Variants in RBFOX1 observed in about 807,000 individuals in gnomAD.
The protein encoded by RBFOX1 is RNA binding fox-1 homolog 1, also known as RNA binding protein fox-1 homolog 1.
RBFOX1 carries 8 observed loss-of-function variants against 57.7 expected under a neutral mutation model. The ratio of observed to expected loss-of-function variants is 0.14; its 90% CI spans 0.08 to 0.25. The LOEUF (loss-of-function observed/expected upper bound fraction) is 0.25. RBFOX1 is among the 10% of genes least tolerant of loss of function. The probability of loss-of-function intolerance (pLI) is 1.00; values close to 1 mark genes in which losing one functional copy is unlikely to be tolerated. For missense variants in RBFOX1, 611 were observed against 548.5 expected, an observed-to-expected ratio of 1.11 and a Z score of -1.14; for synonymous variants, 326 against 222.4, an observed-to-expected ratio of 1.47 and a Z score of -4.15.
chr16:5,862,788 G>A (rs2057254613), intron 3 of RBFOX1, among the ~76,000 whole-genome samples: 1 of 152,068 alleles, frequency 6.6e-6, no homozygotes, highest in Admixed American at 6.6e-5. Context: ...GACCTAACAC[G>A]ACCCTATAAA....
At chr16:5,944,409 G>A (rs910448352) in intron 4 of RBFOX1, among the ~76,000 whole-genome samples, 1 of 152,142 alleles carries the variant, frequency 6.6e-6, no homozygotes, top group African/African-American at 2.4e-5. Context: ...ACGTGAGACT[G>A]CTCTTATCAT....
At chr16:6,231,055 A>C (rs558503967) in intron 1 of RBFOX1, among the ~76,000 whole-genome samples, 1 of 152,296 alleles carries the variant, frequency 6.6e-6, no homozygotes, top group South Asian at 2.1e-4. Flanking sequence ...GACTATCCAG[A>C]TAGAAACTAA....
At chr16:5,895,216 C>T (rs1228751179) in intron 4 of RBFOX1, among the ~76,000 whole-genome samples, 1 of 152,146 alleles carries the variant, frequency 6.6e-6, no homozygotes, top group Non-Finnish European at 1.5e-5. Flanking sequence ...AGTGTTAAGT[C>T]TTAACTTAGT....
chr16:5,726,804 C>A (rs59265091), intron 3 of RBFOX1, among the ~76,000 whole-genome samples: 3,640 of 152,182 alleles, frequency 0.024, 152 homozygotes, highest in African/African-American at 0.083. Context: ...TGTGCTTTGC[C>A]CCTTTACACA....
chr16:7,405,515 C>T (rs2098325834), intron 4 of RBFOX1, among the ~76,000 whole-genome samples: 1 of 152,204 alleles, frequency 6.6e-6, no homozygotes, highest in Admixed American at 6.5e-5. Context: ...GTTATGCTGA[C>T]CGGAGCAACC....
chr16:7,004,391 G>A (rs2093116501), intron 3 of RBFOX1, among the ~76,000 whole-genome samples: 2 of 152,116 alleles, frequency 1.3e-5, no homozygotes, highest in African/African-American at 4.8e-5. Context: ...TTGTCCACCG[G>A]TTTTATTTAG....
intron 3 of RBFOX1, among the ~76,000 whole-genome samples, chr16:6,657,495 T>C (rs2098667560): frequency 6.6e-6 from 1 of 152,074 alleles, no homozygotes; most frequent in Non-Finnish European, 1.5e-5. Flanking sequence ...CAGGGAGCCA[T>C]TGGCTGTGGC....
rs148303603 is a variant in RBFOX1 at position 5,287,735 on chromosome 16, A to G, written c.219+47630A>G. Among the ~76,000 whole-genome samples the G allele has an allele frequency of 8.1e-4, 123 of 152,310 alleles. 2 individuals carry two copies. In the East Asian group the frequency reaches 0.022, roughly 27 times the overall value. On this transcript the variant is annotated intron_variant, in intron 1 of 2. Transcript: ENST00000585867. Reference sequence around the variant, plus strand: ...GGAGTGAGCGAGCACAAATGAATGCACAGTTTCCAAGTTTTTGGTCATGCA... The same window carrying G: ...GGAGTGAGCGAGCACAAATGAATGCGCAGTTTCCAAGTTTTTGGTCATGCA...
intron 3 of RBFOX1, among the ~76,000 whole-genome samples, chr16:5,624,509 T>C (rs1173660238): frequency 6.6e-6 from 1 of 152,194 alleles, no homozygotes; most frequent in Non-Finnish European, 1.5e-5. Context: ...CCAGAGACTT[T>C]TAAAGCTCGT....
intron 3 of RBFOX1, among the ~76,000 whole-genome samples, chr16:5,828,107 A>G (rs896969408): frequency 6.6e-6 from 1 of 151,724 alleles, no homozygotes; most frequent in Non-Finnish European, 1.5e-5. Context: ...CTGTCTAACC[A>G]TTAATCCACT....
intron 3 of RBFOX1, among the ~76,000 whole-genome samples, chr16:5,751,338 G>C (rs1242197167): frequency 6.8e-6 from 1 of 147,290 alleles, no homozygotes; most frequent in Non-Finnish European, 1.5e-5. Context: ...CTACATTTGT[G>C]CATCCCTTAT....
intron 4 of RBFOX1, among the ~76,000 whole-genome samples, chr16:7,248,913 C>G (rs1219867362): frequency 6.6e-6 from 1 of 152,172 alleles, no homozygotes; most frequent in Non-Finnish European, 1.5e-5. Flanking sequence ...TAGCCAACAG[C>G]CATCGCCCAA....
chr16:7,205,209 C>G (rs982010655), intron 4 of RBFOX1, among the ~76,000 whole-genome samples: 17 of 151,902 alleles, frequency 1.1e-4, no homozygotes, highest in African/African-American at 3.9e-4. Context: ...TTGGAAAACT[C>G]CAGTTGAGTG....
At chr16:7,234,355 T>A (rs1414843266) in intron 4 of RBFOX1, among the ~76,000 whole-genome samples, 1 of 152,126 alleles carries the variant, frequency 6.6e-6, no homozygotes, top group Non-Finnish European at 1.5e-5. Flanking sequence ...AGGAATCTAT[T>A]TGGTTTTGGT....
intron 3 of RBFOX1, among the ~76,000 whole-genome samples, chr16:5,616,373 C>T (rs933936727): frequency 1.3e-5 from 2 of 152,206 alleles, no homozygotes; most frequent in East Asian, 1.9e-4. Flanking sequence ...AGCTTGTCTG[C>T]GGTGCTGGCC....
chr16:7,373,333 G>T (rs1220495009), intron 4 of RBFOX1, among the ~76,000 whole-genome samples: 1 of 152,140 alleles, frequency 6.6e-6, no homozygotes, highest in African/African-American at 2.4e-5. Flanking sequence ...CACAATACAT[G>T]TTATAGTAAA....
At chr16:6,506,806 C>T (rs767860231) in intron 2 of RBFOX1, among the ~76,000 whole-genome samples, 1 of 152,032 alleles carries the variant, frequency 6.6e-6, no homozygotes, top group African/African-American at 2.4e-5. Flanking sequence ...ACCACCATGC[C>T]TGGCTATTTT....
At chr16:7,089,115 C>T (rs1369404152) in intron 4 of RBFOX1, among the ~76,000 whole-genome samples, 6 of 152,242 alleles carry the variant, frequency 3.9e-5, no homozygotes, top group African/African-American at 1.2e-4. Flanking sequence ...TCCTTTGTAG[C>T]GACTTTAGCT....
intron 4 of RBFOX1, among the ~76,000 whole-genome samples, chr16:5,926,059 T>TGGGTGATGTTCC (rs2058934826): frequency 6.6e-6 from 1 of 152,196 alleles, no homozygotes; most frequent in African/African-American, 2.4e-5. Flanking sequence ...TTCTGACTGT[T>TGGGTGATGTTCC]AGCTGGGAGT....
Sources: gnomAD v4.1 joint callset for allele counts (sites outside exome capture counted in the v4.1 genomes callset) on GRCh38, gnomAD v4.1.1 for gene constraint, MANE v1.5 for transcripts, NCBI Gene and HGNC (gene_info 2026-07-23, HGNC 2026-07-21) for gene names.